SERPINI1: variants seen among roughly 807,000 people sequenced by gnomAD.
The protein encoded by SERPINI1 is neuroserpin.
SERPINI1 carries 19 observed loss-of-function variants against 41.1 expected under a neutral mutation model. The observed-to-expected ratio is 0.46, with a 90% CI of 0.32 to 0.68. The LOEUF is 0.68. Among genes scored for constraint, SERPINI1 ranks in the 30% least tolerant of loss-of-function variants. The pLI, the probability that SERPINI1 is intolerant of heterozygous loss-of-function variation, is 0.03. For missense variants in SERPINI1, 460 were observed against 479.2 expected, an observed-to-expected ratio of 0.96 and a Z score of 0.37; for synonymous variants, 138 against 156.6, an observed-to-expected ratio of 0.88 and a Z score of 0.89.
intron 6 of SERPINI1, 58 bp from the exon 7 acceptor site, chr3:167,822,928 G>A: frequency 1.1e-6 from 1 of 952,152 alleles, no homozygotes. Flanking sequence ...TAACAAAAGG[G>A]CAAAATATTT....
intron 1 of SERPINI1, among the ~76,000 whole-genome samples, chr3:167,777,527 G>T (rs1220084926): frequency 1.3e-5 from 2 of 152,162 alleles, no homozygotes; most frequent in Non-Finnish European, 2.9e-5. Flanking sequence ...CACAGGTGAT[G>T]TTGTGGTCCA....
intron 1 of SERPINI1, among the ~76,000 whole-genome samples, chr3:167,757,703 G>A (rs140190780): frequency 3.9e-5 from 6 of 152,260 alleles, no homozygotes; most frequent in Admixed American, 6.5e-5. Flanking sequence ...CAGATCACTT[G>A]AGTTCAGGGG....
At chr3:167,803,366 A>G (rs551393633) in intron 5 of SERPINI1, among the ~76,000 whole-genome samples, 14 of 152,200 alleles carry the variant, frequency 9.2e-5, no homozygotes, top group African/African-American at 3.4e-4. Context: ...TAATATAGCT[A>G]TTTAATCAAA....
chr3:167,818,712 C>G (rs1474479958), intron 6 of SERPINI1, among the ~76,000 whole-genome samples: 1 of 152,152 alleles, frequency 6.6e-6, no homozygotes, highest in Non-Finnish European at 1.5e-5. Flanking sequence ...CCACCACCAT[C>G]ATTTTGGTGG....
At chr3:167,812,758 A>G (rs764313014) in intron 6 of SERPINI1, among the ~76,000 whole-genome samples, 2 of 152,180 alleles carry the variant, frequency 1.3e-5, no homozygotes. Flanking sequence ...TTTGATATCC[A>G]TTGCTTTTGT....
intron 1 of SERPINI1, among the ~76,000 whole-genome samples, chr3:167,759,287 A>T (rs566143151): frequency 6.6e-6 from 1 of 151,980 alleles, no homozygotes; most frequent in East Asian, 1.9e-4. Context: ...AAAGGAAAAT[A>T]AATCATTTTA....
intron 1 of SERPINI1, among the ~76,000 whole-genome samples, chr3:167,769,839 A>G (rs1001311391): frequency 1.4e-4 from 22 of 152,012 alleles, no homozygotes; most frequent in African/African-American, 4.3e-4. Flanking sequence ...TGATGTATTC[A>G]TATCCTTTGC....
intron 4 of SERPINI1, among the ~76,000 whole-genome samples, chr3:167,793,596 A>ATATATATATATATATTTTTTTT: frequency 6.4e-5 from 9 of 140,610 alleles, no homozygotes; most frequent in African/African-American, 2.5e-4. Context: ...ATATATATAT[A>ATATATATATATATATTTTTTTT]TTTTTAATTA....
intron 6 of SERPINI1, among the ~76,000 whole-genome samples, chr3:167,815,116 A>C (rs1712034177): frequency 1.3e-5 from 2 of 152,274 alleles, no homozygotes; most frequent in South Asian, 4.1e-4. Context: ...GTTGTGCATA[A>C]GATAAGTAGA....
chr3:167,825,204 AT>A lies in SERPINI1; in HGVS notation c.1157-39del, dbSNP rs1393774575. ...CAAGAAGGAAGATAAATATTTTATTATTTTGTTCACCCCCTCTTTTGTTTAC... is the reference window on the plus strand; with the variant it reads ...CAAGAAGGAAGATAAATATTTTATTATTTGTTCACCCCCTCTTTTGTTTAC... On this transcript the variant is annotated intron_variant, in intron 8 of 8. Coordinates refer to ENST00000446050, the MANE Select transcript of SERPINI1 (RefSeq NM_001122752.2). 4 of 1,182,280 alleles carry A rather than the reference AT, an allele frequency of 3.4e-6. No individual in the cohort carries two copies. The Admixed American group carries it at 6.7e-5, about 20-fold the overall frequency. The allele number at this position is 1,182,280 out of a possible 1,614,324, so 73.2% of individuals were successfully genotyped here.
intron 6 of SERPINI1, among the ~76,000 whole-genome samples, chr3:167,814,100 A>G (rs952872333): frequency 3.3e-5 from 5 of 152,202 alleles, no homozygotes; most frequent in African/African-American, 1.2e-4. Context: ...TCGCTGCCCC[A>G]GTCACTAACC....
chr3:167,817,637 G>A (rs930737046), intron 6 of SERPINI1, among the ~76,000 whole-genome samples: 12 of 151,376 alleles, frequency 7.9e-5, no homozygotes, highest in East Asian at 1.9e-4. Context: ...ATGCACTGTC[G>A]CCCAGGCTCG....
chr3:167,825,316 AACTTTAAGTT>A lies in SERPINI1; in HGVS notation c.1233_*9del. 5 of 1,606,972 alleles carry A rather than the reference AACTTTAAGTT, an allele frequency of 3.1e-6. No individual in the cohort carries two copies. The highest frequency in any genetic ancestry group is 3.4e-6 in the Non-Finnish European group (4 of 1,173,580). On this transcript the variant is annotated stop_lost and 3_prime_UTR_variant, in exon 9 of 9. Coordinates refer to ENST00000446050, the MANE Select transcript of SERPINI1 (RefSeq NM_001122752.2). ...AACACAAGTGGACATGATTTCGAAG[AACTTTAAGTT>A]ACTTTATTTGAATAACAAGGAAAAC...
rs926512726 is a variant in SERPINI1 at position 167,744,983 on chromosome 3, G to C, written c.-19+9160G>C. Among the ~76,000 whole-genome samples the C allele has an allele frequency of 7.4e-5, 11 of 149,212 alleles. No homozygotes were observed. The East Asian group carries it at 2.1e-3, about 29-fold the overall frequency. ...TAGAAGAAAATTATATTTAAGGGTA[G>C]GGGAACCTAATATAGTAAAGAGGAG... On this transcript the variant is annotated intron_variant, in intron 1 of 8. Transcript: ENST00000446050.
At chr3:167,778,393 G>A (rs1265188321) in intron 1 of SERPINI1, among the ~76,000 whole-genome samples, 1 of 152,174 alleles carries the variant, frequency 6.6e-6, no homozygotes. Context: ...CAAAGGCTAT[G>A]GTTTGTAAGG....
At chr3:167,803,837 A>G (rs972246305) in intron 5 of SERPINI1, among the ~76,000 whole-genome samples, 1 of 152,210 alleles carries the variant, frequency 6.6e-6, no homozygotes, top group African/African-American at 2.4e-5. Flanking sequence ...CCTTGGTTAT[A>G]CAGGTTATTT....
intron 1 of SERPINI1, among the ~76,000 whole-genome samples, chr3:167,777,875 C>T (rs1727010051): frequency 6.6e-6 from 1 of 152,156 alleles, no homozygotes. Context: ...GCTATGAGGG[C>T]TCTGCCCTCA....
At chr3:167,784,264 ATTC>A (rs747792237) in intron 1 of SERPINI1, among the ~76,000 whole-genome samples, 2 of 152,130 alleles carry the variant, frequency 1.3e-5, no homozygotes, top group Non-Finnish European at 2.9e-5. Context: ...GGGATGATTT[ATTC>A]TTCTCATTCT....
At chr3:167,803,131 G>A (rs1412201436) in intron 5 of SERPINI1, among the ~76,000 whole-genome samples, 1 of 151,320 alleles carries the variant, frequency 6.6e-6, no homozygotes, top group African/African-American at 2.4e-5. Context: ...CTGTTGTGGG[G>A]TTGGGGGAGG....
Sources: allele counts gnomAD v4.1 joint callset (sites outside exome capture counted in the v4.1 genomes callset), GRCh38; gene constraint gnomAD v4.1.1; transcripts MANE v1.5; gene names NCBI Gene and HGNC (gene_info 2026-07-23, HGNC 2026-07-21).